The following FAM210A variants were observed in gnomAD, a reference collection of about 807,000 sequenced individuals.
FAM210A encodes the protein family with sequence similarity 210 member A.
A neutral mutation model predicts 25.3 loss-of-function variants in FAM210A; 13 were observed. The ratio of observed to expected loss-of-function variants is 0.51; its 90% CI spans 0.33 to 0.82. The LOEUF is 0.82. FAM210A is among the 40% of genes least tolerant of loss of function. The probability of loss-of-function intolerance (pLI) is 0.02; values close to 1 mark genes in which losing one functional copy is unlikely to be tolerated. For synonymous variants in FAM210A, 125 were observed against 118.7 expected, an observed-to-expected ratio of 1.05 and a Z score of -0.35; for missense variants, 319 against 323.2, an observed-to-expected ratio of 0.99 and a Z score of 0.10.
chr18:13,692,461 GCAC>G (rs1264017385), intron 1 of FAM210A, among the ~76,000 whole-genome samples: 2 of 152,148 alleles, frequency 1.3e-5, no homozygotes, highest in Non-Finnish European at 2.9e-5. Flanking sequence ...ATTCTTCTCA[GCAC>G]CACATCACAC....
intron 3 of FAM210A, among the ~76,000 whole-genome samples, chr18:13,670,407 T>C (rs781222322): frequency 2.6e-5 from 4 of 152,168 alleles, no homozygotes; most frequent in Non-Finnish European, 5.9e-5. Flanking sequence ...TCATCAAAAT[T>C]ATAATAAAAG....
intron 1 of FAM210A, among the ~76,000 whole-genome samples, chr18:13,724,632 C>A (rs1023395050): frequency 2.0e-5 from 3 of 152,204 alleles, no homozygotes; most frequent in Non-Finnish European, 4.4e-5. Context: ...TTTCAAGAAT[C>A]CTTCCCCTCT....
chr18:13,696,438 C>A (rs56178622), intron 1 of FAM210A, among the ~76,000 whole-genome samples: 38,472 of 152,154 alleles, frequency 0.25, 5,609 homozygotes, highest in Non-Finnish European at 0.34. Flanking sequence ...AGACAAGTCA[C>A]TAAGCAGAAA....
chr18:13,689,139 T>G (rs1042105862), intron 1 of FAM210A, among the ~76,000 whole-genome samples: 3 of 152,248 alleles, frequency 2.0e-5, no homozygotes, highest in Admixed American at 6.5e-5. Flanking sequence ...GAGGTTCACC[T>G]TATCTTGTGT....
intron 1 of FAM210A, among the ~76,000 whole-genome samples, chr18:13,693,196 A>C (rs1338367828): frequency 1.3e-5 from 2 of 152,256 alleles, no homozygotes; most frequent in African/African-American, 4.8e-5. Flanking sequence ...AGACTAAACC[A>C]GGAAGACACT....
At chr18:13,688,964 A>G (rs1328278735) in intron 1 of FAM210A, among the ~76,000 whole-genome samples, 1 of 152,196 alleles carries the variant, frequency 6.6e-6, no homozygotes, top group Non-Finnish European at 1.5e-5. Flanking sequence ...GCCAGTTCCC[A>G]TGCTCATTTG....
chr18:13,692,230 G>A (rs1413353050), intron 1 of FAM210A, among the ~76,000 whole-genome samples: 1 of 151,952 alleles, frequency 6.6e-6, no homozygotes, highest in Non-Finnish European at 1.5e-5. Context: ...CCCAATACAG[G>A]AGCACTCAGA....
intron 1 of FAM210A, among the ~76,000 whole-genome samples, chr18:13,689,115 C>T (rs1786547): frequency 0.89 from 135,600 of 152,226 alleles, 60,496 homozygotes; most frequent in East Asian, 0.95. Context: ...CTTCCTCTGT[C>T]CCCTTTTCCT....
At chr18:13,690,976 C>T (rs569402317) in intron 1 of FAM210A, among the ~76,000 whole-genome samples, 143 of 152,226 alleles carry the variant, frequency 9.4e-4, no homozygotes, top group African/African-American at 3.4e-3. Flanking sequence ...GGAAGATGTT[C>T]GAACCCATCG....
At chr18:13,703,643 A>T (rs1261659537) in intron 1 of FAM210A, among the ~76,000 whole-genome samples, 1 of 152,206 alleles carries the variant, frequency 6.6e-6, no homozygotes, top group South Asian at 2.1e-4. Context: ...ACTAGGAAAT[A>T]AAAAAATCTT....
At chr18:13,698,618 C>A (rs2043714978) in intron 1 of FAM210A, among the ~76,000 whole-genome samples, 2 of 152,174 alleles carry the variant, frequency 1.3e-5, no homozygotes, top group African/African-American at 2.4e-5. Context: ...GGGTTCAGGC[C>A]ATGAGAAACA....
chr18:13,694,554 A>G (rs374760237), intron 1 of FAM210A, among the ~76,000 whole-genome samples: 144 of 152,350 alleles, frequency 9.5e-4, no homozygotes, highest in East Asian at 2.5e-3. Context: ...GCCCTTGGAA[A>G]TAATACCACA....
At chr18:13,667,166 G>T (rs947465079) in intron 3 of FAM210A, among the ~76,000 whole-genome samples, 8 of 152,204 alleles carry the variant, frequency 5.3e-5, no homozygotes, top group Non-Finnish European at 8.8e-5. Flanking sequence ...ACCACTCTCT[G>T]TTGGGATTTA....
chr18:13,693,735 G>T (rs1356338300), intron 1 of FAM210A, among the ~76,000 whole-genome samples: 1 of 151,756 alleles, frequency 6.6e-6, no homozygotes, highest in African/African-American at 2.4e-5. Flanking sequence ...GGTATTGATG[G>T]GCTGTATCTC....
intron 1 of FAM210A, among the ~76,000 whole-genome samples, chr18:13,720,101 T>G (rs1353653464): frequency 6.6e-6 from 1 of 152,172 alleles, no homozygotes; most frequent in Non-Finnish European, 1.5e-5. Flanking sequence ...GAGTTTCTAT[T>G]AAGCCCAGTA....
intron 1 of FAM210A, among the ~76,000 whole-genome samples, chr18:13,688,712 C>A (rs1020725298): frequency 2.6e-5 from 4 of 152,220 alleles, no homozygotes; most frequent in Non-Finnish European, 5.9e-5. Context: ...GTCCACTGAG[C>A]GGATAACGCT....
intron 1 of FAM210A, among the ~76,000 whole-genome samples, chr18:13,693,972 T>C (rs910898205): frequency 4.6e-5 from 7 of 152,190 alleles, no homozygotes; most frequent in Non-Finnish European, 8.8e-5. Flanking sequence ...TGATTGTAGA[T>C]TTAGAAAACC....
intron 1 of FAM210A, among the ~76,000 whole-genome samples, chr18:13,702,778 T>C (rs958169660): frequency 6.6e-6 from 1 of 152,192 alleles, no homozygotes; most frequent in African/African-American, 2.4e-5. Context: ...TTCTTTCCTG[T>C]TTGATATCTT....
intron 1 of FAM210A, among the ~76,000 whole-genome samples, chr18:13,705,267 A>G (rs1407654179): frequency 6.6e-6 from 1 of 152,184 alleles, no homozygotes; most frequent in African/African-American, 2.4e-5. Flanking sequence ...TATGTACCTA[A>G]TTTGGAAAAA....
Sources: gnomAD v4.1 joint callset for allele counts (sites outside exome capture counted in the v4.1 genomes callset) on GRCh38, gnomAD v4.1.1 for gene constraint, MANE v1.5 for transcripts, NCBI Gene and HGNC (gene_info 2026-07-23, HGNC 2026-07-21) for gene names.